CCDC186: variants seen among roughly 807,000 people sequenced by gnomAD.
CCDC186 encodes the protein coiled-coil domain containing 186, also known as coiled-coil domain-containing protein 186.
A neutral mutation model predicts 113.7 loss-of-function variants in CCDC186; 49 were observed. That is an observed-to-expected ratio of 0.43 (90% CI 0.34 to 0.55). CCDC186 has a LOEUF of 0.55. CCDC186 is among the 20% of genes least tolerant of loss of function. CCDC186 has a pLI of 0.02. For missense variants in CCDC186, 890 were observed against 1,011.1 expected (o/e 0.88, Z 1.62); for synonymous variants, 355 against 345.8 (o/e 1.03, Z -0.30).
chr10:114,151,102 C>T lies in CCDC186; in HGVS notation c.878G>A (p.Arg293Gln), dbSNP rs768708509. The stretch of plus-strand genomic sequence containing the variant: ...CGATGTGAGAAATACCTGTTCCATC[C>T]GTTGGGCCATCTCTTTGTGTAACTG... ...VQQLHKEMAQ[R>Q]MEQANKKCEE... The change falls in exon 4 of 16, where the codon CGG becomes CAG. Residue 293 changes from arginine to glutamine, a missense_variant. Physicochemically the swap from Arg to Gln is conservative, Grantham distance 43 (BLOSUM62 1). Transcript: ENST00000369287. The T allele has an allele frequency of 1.8e-5, 29 of 1,612,600 alleles. No individual in the cohort carries two copies. Among genetic ancestry groups the T allele is most frequent in the East Asian group, 1.8e-4 (8 of 44,838 alleles).
At chr10:114,172,924 T>G (rs1400227656) in intron 1 of CCDC186, among the ~76,000 whole-genome samples, 3 of 152,176 alleles carry the variant, frequency 2.0e-5, no homozygotes, top group African/African-American at 7.2e-5. Flanking sequence ...TCGGTAAATA[T>G]TAAGGTGTAC....
At position 114,162,700 on chromosome 10, in the gene CCDC186, G is replaced by C; in HGVS notation, c.569C>G (p.Ala190Gly). Residue 190 changes from alanine (A) to glycine (G), a missense_variant, in exon 2 of 16, where the codon GCA (alanine) becomes GGA (glycine). By Grantham distance (60) the Ala-to-Gly change is moderately conservative. Transcript: ENST00000369287. ...VPNGMNKGEH[A>G]LVLFEKCVQD... The stretch of plus-strand genomic sequence containing the variant: ...CACACACTTTTCAAACAGAACTAAT[G>C]CATGTTCTCCCTTATTCATTCCATT... 3.7e-6 allele frequency: 6 copies of C among 1,611,932 alleles called. No homozygotes were observed. The South Asian group carries it at 6.6e-5, about 18-fold the overall frequency.
chr10:114,163,827 T>C (rs2032248975), intron 1 of CCDC186, among the ~76,000 whole-genome samples: 1 of 151,996 alleles, frequency 6.6e-6, no homozygotes, highest in Admixed American at 6.6e-5. Flanking sequence ...GAAGGAAACC[T>C]AAATAACAAG....
In CCDC186 at chr10:114,144,478, A is replaced by G. The variant is rs762240508; in HGVS notation, c.1221+19T>C. On this transcript the variant is annotated intron_variant, in intron 6 of 15. Coordinates refer to ENST00000369287, the MANE Select transcript of CCDC186 (RefSeq NM_018017.4). The stretch of plus-strand genomic sequence containing the variant: ...AAAAACTCATTCTAATCATTATTCC[A>G]TTGTATTACAGTACGTACCTTGTGT... 88 of 1,588,506 alleles carry G rather than the reference A, an allele frequency of 5.5e-5. No homozygotes were observed. Among genetic ancestry groups the G allele is most frequent in the Non-Finnish European group, 7.2e-5 (84 of 1,172,030 alleles).
At chr10:114,157,473 T>G in intron 3 of CCDC186, 81 bp downstream of exon 3, 3 of 1,345,550 alleles carry the variant, frequency 2.2e-6, no homozygotes, top group Non-Finnish European at 3.0e-6. Flanking sequence ...ATTACAGGCA[T>G]GAGCTGCCAC....
intron 6 of CCDC186, among the ~76,000 whole-genome samples, chr10:114,143,613 C>T (rs1299749703): frequency 6.6e-6 from 1 of 152,174 alleles, no homozygotes; most frequent in African/African-American, 2.4e-5. Context: ...CTCTAATCTA[C>T]CTTTGACCAC....
rs369712545 is a variant in CCDC186, at chr10:114,135,912, C to T, written c.1491G>A (p.Glu497=). 7.4e-6 allele frequency: 12 copies of T among 1,612,260 alleles called. No individual in the cohort carries two copies. The African/African-American group carries it at 1.6e-4, about 22-fold the overall frequency. ...LKRTFKEGMD[E]LRTLRTKVKC... ...TTACCTTTGTTCTCAGTGTTCTTAACTCATCCATACCCTCCTTAAATGTTC... is the reference window on the plus strand; with the variant it reads ...TTACCTTTGTTCTCAGTGTTCTTAATTCATCCATACCCTCCTTAAATGTTC... The change falls in exon 9 of 16, where the codon GAG becomes GAA. Residue 497 remains glutamate, a synonymous_variant. Transcript: ENST00000369287.
At position 114,134,998 on chromosome 10, in the gene CCDC186, C is replaced by T. The variant is rs778997611; in HGVS notation, c.1570G>A (p.Glu524Lys). 1.2e-6 allele frequency: 2 copies of T among 1,611,886 alleles called. No individual in the cohort carries two copies. The highest frequency in any genetic ancestry group is 1.7e-5 in the Admixed American group (1 of 59,784). The change falls in exon 10 of 16, where the codon GAA (glutamate) becomes AAA (lysine). Residue 524 changes from glutamate to lysine, a missense_variant. Physicochemically the swap from Glu to Lys is moderately conservative, Grantham distance 56 (BLOSUM62 1). Transcript: ENST00000369287. ...RTEDELSKYK[E>K]IINRQKAEIQ... is the part of the protein sequence containing the mutation. ...TCAGCTTTTTGGCGATTAATAATTTCCTTATATTTTGATAATTCATCTTCT... is the reference window on the plus strand; with the variant it reads ...TCAGCTTTTTGGCGATTAATAATTTTCTTATATTTTGATAATTCATCTTCT...
At chr10:114,149,604 G>A (rs1325440942) in intron 4 of CCDC186, among the ~76,000 whole-genome samples, 2 of 37,922 alleles carry the variant, frequency 5.3e-5, no homozygotes, top group African/African-American at 1.2e-4. Context: ...GAAGGGAAGG[G>A]AAGGGAAGGG....
chr10:114,125,921 A>G lies in CCDC186; in HGVS notation c.2578T>C (p.Leu860=). The G allele has an allele frequency of 6.2e-7, 1 of 1,613,944 alleles. No individual in the cohort carries two copies. Among genetic ancestry groups the G allele is most frequent in the Non-Finnish European group, 8.5e-7 (1 of 1,179,910 alleles). The change falls in exon 15 of 16, where the codon TTG becomes CTG. Residue 860 remains leucine, a synonymous_variant. Coordinates refer to ENST00000369287, the MANE Select transcript of CCDC186 (RefSeq NM_018017.4). ...ATATTTTTTAGTAACGTATCCTCCA[A>G]AACAGCCTGTAATTTTCGGTTGATT... ...LEINRKLQAV[L]EDTLLKNITL...
intron 13 of CCDC186, among the ~76,000 whole-genome samples, chr10:114,129,031 G>A (rs1004704466): frequency 2.0e-5 from 3 of 152,110 alleles, no homozygotes; most frequent in East Asian, 1.9e-4. Flanking sequence ...GGCTGGGCGC[G>A]GAGGCTCAAG....
intron 6 of CCDC186, among the ~76,000 whole-genome samples, chr10:114,141,394 G>A (rs1051481681): frequency 1.3e-5 from 2 of 152,162 alleles, no homozygotes; most frequent in Non-Finnish European, 2.9e-5. Flanking sequence ...ATTATTTGAA[G>A]CTTGCTTTTA....
chr10:114,169,224 T>C (rs1429292347), intron 1 of CCDC186, among the ~76,000 whole-genome samples: 1 of 150,208 alleles, frequency 6.7e-6, no homozygotes, highest in Non-Finnish European at 1.5e-5. Context: ...TTATAAACTG[T>C]AGTACCATTC....
At chr10:114,170,163 A>G (rs1043780755) in intron 1 of CCDC186, among the ~76,000 whole-genome samples, 10 of 152,198 alleles carry the variant, frequency 6.6e-5, no homozygotes, top group Non-Finnish European at 1.5e-4. Context: ...AATACCTGAC[A>G]CTTAAGTTTC....
chr10:114,162,515 A>ATGTG (rs2032202694), intron 2 of CCDC186, 122 bp downstream of exon 2: 2 of 692,520 alleles, frequency 2.9e-6, no homozygotes, highest in Admixed American at 3.5e-5. Flanking sequence ...TTCAACTACT[A>ATGTG]TGTGCATGAT....
rs1180864229 is a variant in CCDC186, at chr10:114,127,534, G to A, written c.2320C>T (p.Arg774Trp). ...ATAAATTCTATCTTTTCATTTTTCC[G>A]GGCATGTGCTTTTTGCAGCCTAACT... ...RIVRLQKAHA[R>W]KNEKIEFMED... Residue 774 changes from arginine (R) to tryptophan (W), a missense_variant, in exon 14 of 16, where the codon CGG (arginine) becomes TGG (tryptophan). Arg to Trp is a moderately radical substitution (Grantham distance 101). Transcript: ENST00000369287. The A allele has an allele frequency of 1.1e-5, 18 of 1,613,618 alleles. No individual in the cohort carries two copies. The highest frequency in any genetic ancestry group is 1.7e-5 in the Admixed American group (1 of 59,968).
intron 3 of CCDC186, among the ~76,000 whole-genome samples, chr10:114,151,581 T>C (rs887881234): frequency 2.0e-5 from 3 of 151,698 alleles, no homozygotes; most frequent in African/African-American, 7.2e-5. Context: ...AAGTTTTCAA[T>C]TGCATGCCAT....
Position 114,127,492 on chromosome 10 carries a change from G to A in CCDC186, c.2362C>T (p.Gln788Ter). 6.2e-7 allele frequency: 1 copy of A among 1,613,934 alleles called. No homozygotes were observed. Residue 788 changes from glutamine to a stop codon, truncating the protein, a stop_gained, in exon 14 of 16, where the codon CAA becomes TAA. Transcript: ENST00000369287. LOFTEE classifies it high-confidence loss of function. ...KIEFMEDHIK[Q>*]LVEEIRKKTK... ...TTTTTCCTAATTTCTTCCACCAGTT[G>A]TTTGATGTGGTCCTCCATAAATTCT...
At chr10:114,171,155 T>C (rs149779385) in intron 1 of CCDC186, among the ~76,000 whole-genome samples, 1,847 of 152,220 alleles carry the variant, frequency 0.012, 19 homozygotes, top group Middle Eastern at 0.031. Flanking sequence ...ACATGAAAAG[T>C]ATTATCAGCT....
Sources: allele counts gnomAD v4.1 joint callset (sites outside exome capture counted in the v4.1 genomes callset), GRCh38; gene constraint gnomAD v4.1.1; transcripts MANE v1.5; gene names NCBI Gene and HGNC (gene_info 2026-07-23, HGNC 2026-07-21).